Variants in SCAF4 observed in about 807,000 individuals in gnomAD.
SCAF4 encodes the protein SR-related and CTD-associated factor 4.
A neutral mutation model predicts 129.8 loss-of-function variants in SCAF4; 25 were observed. That is an observed-to-expected ratio of 0.19 (90% confidence interval 0.14 to 0.27). SCAF4 has a LOEUF of 0.27. Among genes scored for constraint, SCAF4 ranks in the 10% least tolerant of loss-of-function variants. The probability of loss-of-function intolerance (pLI) is 1.00; values close to 1 mark genes in which losing one functional copy is unlikely to be tolerated. For synonymous variants in SCAF4, 551 were observed against 497.7 expected (o/e 1.11, Z -1.43); for missense variants, 1,246 against 1,457.1 (o/e 0.86, Z 2.36).
At chr21:31,683,439 T>C (rs930789530) in intron 19 of SCAF4, among the ~76,000 whole-genome samples, 1 of 152,214 alleles carries the variant, frequency 6.6e-6, no homozygotes, top group Non-Finnish European at 1.5e-5. Flanking sequence ...AAGACCTAAA[T>C]GTTAAATCAC....
chr21:31,727,535 G>A (rs112867570), intron 1 of SCAF4, among the ~76,000 whole-genome samples: 2,430 of 152,152 alleles, frequency 0.016, 70 homozygotes, highest in African/African-American at 0.055. Context: ...TGGCTCACAC[G>A]TGTAATCCCA....
intron 19 of SCAF4, among the ~76,000 whole-genome samples, chr21:31,676,184 T>G (rs923375685): frequency 2.6e-5 from 4 of 152,230 alleles, no homozygotes; most frequent in African/African-American, 9.6e-5. Flanking sequence ...CTACCTGTTT[T>G]GGTCAACAAC....
rs1188778575 is a variant in SCAF4 at position 31,693,448 on chromosome 21, T to C, written c.1359A>G (p.Arg453=). ...AACGTCGATGCCGAGACCTTCGAGA[T>C]CTAGAACCAGATCTAGATCGCCTCC... ...PKRRRSRSGS[R]SRRSRHRRSR... Residue 453 remains arginine (R), a synonymous_variant, in exon 12 of 20, where the codon AGA becomes AGG. Coordinates refer to ENST00000286835, the MANE Select transcript of SCAF4 (RefSeq NM_020706.2). 6.5e-7 allele frequency: 1 copy of C among 1,543,040 alleles called. No homozygotes were observed. The highest frequency in any genetic ancestry group is 8.8e-7 in the Non-Finnish European group (1 of 1,132,698).
At chr21:31,691,743 G>T in intron 14 of SCAF4, 74 bp downstream of exon 14, 6 of 510,968 alleles carry the variant, frequency 1.2e-5, no homozygotes, top group Non-Finnish European at 1.3e-5. Flanking sequence ...ACCCAAATTA[G>T]TTTTTATATG....
intron 19 of SCAF4, among the ~76,000 whole-genome samples, chr21:31,674,399 C>T (rs1042814842): frequency 1.3e-5 from 2 of 152,142 alleles, no homozygotes; most frequent in African/African-American, 2.4e-5. Flanking sequence ...CAAATCCTTT[C>T]CCTTCTTCGT....
At chr21:31,675,495 G>A (rs1183281247) in intron 19 of SCAF4, among the ~76,000 whole-genome samples, 2 of 152,126 alleles carry the variant, frequency 1.3e-5, no homozygotes, top group African/African-American at 4.8e-5. Flanking sequence ...GGAAGGACAG[G>A]GTGTAAGCGA....
intron 19 of SCAF4, among the ~76,000 whole-genome samples, chr21:31,682,021 A>G (rs1235542176): frequency 1.3e-5 from 2 of 152,228 alleles, no homozygotes; most frequent in Non-Finnish European, 1.5e-5. Flanking sequence ...ATTTATCACT[A>G]AACTGACACA....
intron 1 of SCAF4, among the ~76,000 whole-genome samples, chr21:31,715,975 T>A (rs779061525): frequency 6.6e-6 from 1 of 152,186 alleles, no homozygotes; most frequent in Admixed American, 6.5e-5. Flanking sequence ...TCTTAGTGAC[T>A]AGCAATTTCT....
At chr21:31,706,207 G>C (rs943917179) in intron 2 of SCAF4, 67 bp downstream of exon 2, 1 of 1,081,752 alleles carries the variant, frequency 9.2e-7, no homozygotes, top group African/African-American at 1.6e-5. Context: ...GACTTCTCAT[G>C]TTTAAAAGTA....
rs181436038 is a variant in SCAF4, at chr21:31,672,614, A to G, written c.2489-260T>C. 2.7e-3 allele frequency among the ~76,000 whole-genome samples: 415 copies of G among 152,344 alleles called. 1 individual carries two copies. Among genetic ancestry groups the G allele is most frequent in the African/African-American group, 9.3e-3 (388 of 41,590 alleles). On this transcript the variant is annotated intron_variant, in intron 19 of 19. Coordinates refer to ENST00000286835, the MANE Select transcript of SCAF4 (RefSeq NM_020706.2). ...AATAGTAATGGTAATACCAATTTTCAAAGAGTATGTCAAAATCTCCTGTAG... is the reference window on the plus strand; with the variant it reads ...AATAGTAATGGTAATACCAATTTTCGAAGAGTATGTCAAAATCTCCTGTAG...
chr21:31,686,509 C>A (rs1369326496), intron 16 of SCAF4, among the ~76,000 whole-genome samples: 1 of 152,128 alleles, frequency 6.6e-6, no homozygotes, highest in African/African-American at 2.4e-5. Context: ...GGCAAAGTGC[C>A]AACCACACAT....
intron 1 of SCAF4, among the ~76,000 whole-genome samples, chr21:31,725,881 T>C (rs2051189594): frequency 6.6e-6 from 1 of 152,176 alleles, no homozygotes; most frequent in African/African-American, 2.4e-5. Context: ...TTTAGAAACG[T>C]TACTTTTCAT....
intron 2 of SCAF4, among the ~76,000 whole-genome samples, chr21:31,705,947 G>A (rs2050649786): frequency 6.6e-6 from 1 of 152,220 alleles, no homozygotes; most frequent in South Asian, 2.1e-4. Flanking sequence ...GCGCACACCT[G>A]TAATCTCAGC....
intron 1 of SCAF4, among the ~76,000 whole-genome samples, chr21:31,710,180 T>C (rs1445624306): frequency 6.6e-6 from 1 of 151,962 alleles, no homozygotes. Context: ...GTGTAAGAGA[T>C]CCAGGCTAGA....
chr21:31,699,339 G>A (rs566687255), intron 7 of SCAF4, among the ~76,000 whole-genome samples: 254 of 152,098 alleles, frequency 1.7e-3, no homozygotes, highest in African/African-American at 5.8e-3. Flanking sequence ...TACAAATGAG[G>A]AGTTTTCCTA....
At chr21:31,685,268 G>T in intron 18 of SCAF4, 28 bp from the exon 19 acceptor site, 3 of 1,532,934 alleles carry the variant, frequency 2.0e-6, no homozygotes, top group Non-Finnish European at 2.7e-6. Flanking sequence ...ATCAACATGT[G>T]AAGCTGAATA....
At chr21:31,683,215 T>G (rs191484143) in intron 19 of SCAF4, among the ~76,000 whole-genome samples, 1 of 152,120 alleles carries the variant, frequency 6.6e-6, no homozygotes, top group Non-Finnish European at 1.5e-5. Context: ...CTCTCATGGG[T>G]CCATCTAGTG....
chr21:31,687,678 C>A (rs2050158244), intron 16 of SCAF4, among the ~76,000 whole-genome samples: 1 of 150,722 alleles, frequency 6.6e-6, no homozygotes, highest in African/African-American at 2.4e-5. Context: ...TTATTGGGTA[C>A]ATATCCAAGT....
chr21:31,731,681 G>T lies in SCAF4; in HGVS notation c.12C>A (p.Val4=). The T allele has an allele frequency of 6.3e-7, 1 of 1,585,222 alleles. No individual in the cohort carries two copies. The change falls in exon 1 of 20, where the codon GTC becomes GTA. Residue 4 remains valine, a synonymous_variant. Coordinates refer to ENST00000286835, the MANE Select transcript of SCAF4 (RefSeq NM_020706.2). ...CCCTTACCTCCTGGTTGAAGGCGTT[G>T]ACGGCGTCCATGTTCGCGCTGCGGC... The part of the protein sequence containing the change: MDA[V]NAFNQELFSL...
Sources: allele counts gnomAD v4.1 joint callset (sites outside exome capture counted in the v4.1 genomes callset), GRCh38; gene constraint gnomAD v4.1.1; transcripts MANE v1.5; gene names NCBI Gene and HGNC (gene_info 2026-07-23, HGNC 2026-07-21).